Variants in UACA observed in about 807,000 individuals in gnomAD.
The protein encoded by UACA is uveal autoantigen with coiled-coil domains and ankyrin repeats.
A neutral mutation model predicts 160.5 loss-of-function variants in UACA; 112 were observed. That is an observed-to-expected ratio of 0.70 (90% CI 0.60 to 0.82). The LOEUF is 0.82. Ranked by LOEUF, UACA falls within the 40% of genes least tolerant of loss-of-function variation. The pLI, the probability that UACA is intolerant of heterozygous loss-of-function variation, is 0.00. For synonymous variants in UACA, 557 were observed against 568.4 expected, an observed-to-expected ratio of 0.98 and a Z score of 0.29; for missense variants, 1,574 against 1,614.6, an observed-to-expected ratio of 0.97 and a Z score of 0.43.
At chr15:70,682,494 G>A (rs1897546498) in intron 9 of UACA, among the ~76,000 whole-genome samples, 1 of 152,040 alleles carries the variant, frequency 6.6e-6, no homozygotes, top group South Asian at 2.1e-4. Context: ...AAAACTGAAT[G>A]CTCACGGCCC....
At position 70,668,541 on chromosome 15, in the gene UACA, G is replaced by C; in HGVS notation, c.2143C>G (p.Leu715Val). The part of the protein sequence containing the change: ...ITELTLKNQT[L>V]QKEIEKVYLD... ...TAAACTTTTTCAATTTCCTTTTGTA[G>C]TGTCTGATTTTTCAATGTTAACTCA... is the stretch of plus-strand genomic sequence containing the variant. Residue 715 changes from leucine to valine, a missense_variant, in exon 16 of 19, where the codon CTA (leucine) becomes GTA (valine). Transcript: ENST00000322954. The C allele has an allele frequency of 2.5e-6, 4 of 1,611,524 alleles. No homozygotes were observed. Among genetic ancestry groups the C allele is most frequent in the Non-Finnish European group, 3.4e-6 (4 of 1,179,648 alleles).
chr15:70,702,761 T>C (rs1473066638), intron 1 of UACA, among the ~76,000 whole-genome samples: 1 of 152,246 alleles, frequency 6.6e-6, no homozygotes, highest in Non-Finnish European at 1.5e-5. Context: ...TCAGTCTCTC[T>C]GCATACAACC....
At chr15:70,698,307 T>A (rs943060637) in intron 2 of UACA, among the ~76,000 whole-genome samples, 1 of 152,088 alleles carries the variant, frequency 6.6e-6, no homozygotes, top group African/African-American at 2.4e-5. Flanking sequence ...AAAAGTTCCA[T>A]CCCAAAAAAG....
intron 1 of UACA, among the ~76,000 whole-genome samples, chr15:70,749,698 C>CAAAAAAAAAAAAAAA (rs11292883): frequency 4.9e-4 from 34 of 70,048 alleles, no homozygotes; most frequent in African/African-American, 1.6e-3. Context: ...GACTCCGTCT[C>CAAAAAAAAAAAAAAA]AAAAAAAAAA....
intron 1 of UACA, among the ~76,000 whole-genome samples, chr15:70,742,455 A>T (rs1899565884): frequency 6.6e-6 from 1 of 152,204 alleles, no homozygotes; most frequent in Non-Finnish European, 1.5e-5. Flanking sequence ...GAAAACACAC[A>T]AGTTTTTCAC....
At position 70,682,796 on chromosome 15, in the gene UACA, C is replaced by A. The variant is rs777929055; in HGVS notation, c.785-1G>T. The A allele has an allele frequency of 6.4e-7, 1 of 1,558,494 alleles. No homozygotes were observed. The highest frequency in any genetic ancestry group is 8.7e-7 in the Non-Finnish European group (1 of 1,154,824). On this transcript the variant is annotated splice_acceptor_variant, in intron 8 of 18. Coordinates refer to ENST00000322954, the MANE Select transcript of UACA (RefSeq NM_018003.4). LOFTEE classifies it high-confidence loss of function. ...GGCCCTTTCTTCCAAAGTTCTCTCCCTAAGATTTAGAGAAAAAGAGAAACA... is the reference window on the plus strand; with the variant it reads ...GGCCCTTTCTTCCAAAGTTCTCTCCATAAGATTTAGAGAAAAAGAGAAACA...
chr15:70,706,519 T>TTA (rs372680247), intron 1 of UACA, among the ~76,000 whole-genome samples: 12,348 of 121,248 alleles, frequency 0.1, 849 homozygotes, highest in African/African-American at 0.21. Context: ...TCTTATTTGT[T>TTA]AAAAAAAAAA....
rs1486042331 is a variant in UACA, at chr15:70,668,430, C to G, written c.2254G>C (p.Asp752His). Reference protein sequence around the residue: ...NHYVPLKVSEDMKKSHDAIID... With the variant: ...NHYVPLKVSEHMKKSHDAIID... Reference sequence around the variant, plus strand: ...ATTGCATCATGTGACTTTTTCATGTCTTCACTTACTTTTAAAGGAACATAA... The same window carrying G: ...ATTGCATCATGTGACTTTTTCATGTGTTCACTTACTTTTAAAGGAACATAA... Residue 752 changes from aspartate (D) to histidine (H), a missense_variant, in exon 16 of 19, where the codon GAC becomes CAC. By Grantham distance (81) the Asp-to-His change is moderately conservative (BLOSUM62 -1). Transcript: ENST00000322954. 1 of 1,611,998 alleles carries G rather than the reference C, an allele frequency of 6.2e-7. No individual in the cohort carries two copies. The highest frequency in any genetic ancestry group is 8.5e-7 in the Non-Finnish European group (1 of 1,179,772).
At position 70,684,392 on chromosome 15, in the gene UACA, T is replaced by C. The variant is rs1222017133; in HGVS notation, c.657A>G (p.Leu219=). ...EYGCRDAVEV[L]IKNGADISLL... ...AGCTTATATCAGCACCATTTTTAAT[T>C]AAGACTTCTACTGCATCTCTGCAAC... is the stretch of plus-strand genomic sequence containing the variant. Residue 219 remains leucine, a synonymous_variant, in exon 8 of 19, where the codon TTA becomes TTG. Coordinates refer to ENST00000322954, the MANE Select transcript of UACA (RefSeq NM_018003.4). 6.2e-7 allele frequency: 1 copy of C among 1,613,790 alleles called. No individual in the cohort carries two copies. The highest frequency in any genetic ancestry group is 1.1e-5 in the South Asian group (1 of 91,030).
At chr15:70,674,320 T>G (rs1897236768) in intron 13 of UACA, among the ~76,000 whole-genome samples, 2 of 152,152 alleles carry the variant, frequency 1.3e-5, no homozygotes, top group African/African-American at 4.8e-5. Context: ...TCATACTGAA[T>G]GGGAACAGTT....
intron 1 of UACA, among the ~76,000 whole-genome samples, chr15:70,738,981 T>TGA (rs1393125883): frequency 6.6e-6 from 1 of 152,222 alleles, no homozygotes; most frequent in Non-Finnish European, 1.5e-5. Flanking sequence ...AAAGACTTTT[T>TGA]GAGATGCAGG....
At chr15:70,690,091 TC>T (rs1377461459) in intron 5 of UACA, among the ~76,000 whole-genome samples, 1 of 151,964 alleles carries the variant, frequency 6.6e-6, no homozygotes, top group African/African-American at 2.4e-5. Context: ...AAAGTCTTCT[TC>T]CCATTTCTCC....
intron 1 of UACA, among the ~76,000 whole-genome samples, chr15:70,753,738 A>G (rs537740463): frequency 1.2e-4 from 19 of 152,360 alleles, no homozygotes; most frequent in African/African-American, 4.1e-4. Flanking sequence ...TAAGTAACTC[A>G]CTAGCATTTA....
Position 70,669,320 on chromosome 15 carries a change from G to T in UACA, c.1364C>A (p.Ser455Ter). 1 of 1,614,006 alleles carries T rather than the reference G, an allele frequency of 6.2e-7. No individual in the cohort carries two copies. Among genetic ancestry groups the T allele is most frequent in the South Asian group, 1.1e-5 (1 of 91,064 alleles). ...ELEAMRTFCE[S>*]AKQDRLKLQN... ...GAGCTTCAGTCGGTCTTGTTTTGCT[G>T]ACTCACAGAAAGTTCGCATTGCTTC... Residue 455 changes from serine to a stop codon, truncating the protein, a stop_gained, in exon 16 of 19, where the codon TCA becomes TAA. Coordinates refer to ENST00000322954, the MANE Select transcript of UACA (RefSeq NM_018003.4). LOFTEE classifies it high-confidence loss of function.
chr15:70,664,692 G>A lies in UACA; in HGVS notation c.4083C>T (p.His1361=), dbSNP rs1473759839. 1.9e-6 allele frequency: 3 copies of A among 1,613,286 alleles called. No individual in the cohort carries two copies. Among genetic ancestry groups the A allele is most frequent in the African/African-American group, 1.3e-5 (1 of 74,958 alleles). ...GCTGTTGCTCCAGAGATTTCACTTG[G>A]TGCTGCAGAGTGTCAATCAGCTGGC... ...RQSQLIDTLQ[H]QVKSLEQQLA... The change falls in exon 17 of 19, where the codon CAC becomes CAT. Residue 1361 remains histidine, a synonymous_variant. Transcript: ENST00000322954.
At position 70,655,781 on chromosome 15, in the gene UACA, G is replaced by A. The variant is rs998020336; in HGVS notation, c.*1275C>T. 3 of 152,014 alleles carry A rather than the reference G, an allele frequency of 2.0e-5. No individual in the cohort carries two copies. The highest frequency in any genetic ancestry group is 6.5e-5 in the Admixed American group (1 of 15,272). The allele number at this position is 152,014 out of a possible 1,614,324, so 9.4% of individuals were successfully genotyped here. On this transcript the variant is annotated 3_prime_UTR_variant, in exon 19 of 19. Transcript: ENST00000322954. ...TTTTTACCCTATTAAACAAAAATGG[G>A]ATTTAAAAATCTGGTTCGGGATGTT...
intron 17 of UACA, chr15:70,660,471 T>C: frequency 9.3e-6 from 4 of 431,156 alleles, no homozygotes; most frequent in Non-Finnish European, 1.6e-5. Context: ...TTAGTTCATA[T>C]CTAGTGCCAT....
intron 1 of UACA, among the ~76,000 whole-genome samples, chr15:70,752,844 T>C (rs923409849): frequency 2.0e-5 from 3 of 152,248 alleles, no homozygotes; most frequent in South Asian, 4.1e-4. Context: ...TAAGTATACA[T>C]GCATACAAAG....
At chr15:70,684,702 T>TTGG (rs1392732855) in intron 7 of UACA, among the ~76,000 whole-genome samples, 1 of 148,948 alleles carries the variant, frequency 6.7e-6, no homozygotes, top group Non-Finnish European at 1.5e-5. Flanking sequence ...GAACACTAAG[T>TTGG]TCAAGTAAGT....
Sources: allele counts gnomAD v4.1 joint callset (sites outside exome capture counted in the v4.1 genomes callset), GRCh38; gene constraint gnomAD v4.1.1; transcripts MANE v1.5; gene names NCBI Gene and HGNC (gene_info 2026-07-23, HGNC 2026-07-21).